The following SGMS1 variants were observed in gnomAD, a reference collection of about 807,000 sequenced individuals.
SGMS1 encodes the protein sphingomyelin synthase 1, also known as phosphatidylcholine:ceramide cholinephosphotransferase 1.
SGMS1 carries 13 observed loss-of-function variants against 46.2 expected under a neutral mutation model. The ratio of observed to expected loss-of-function variants is 0.28; its 90% CI spans 0.18 to 0.45. SGMS1 has a LOEUF of 0.45. Among genes scored for constraint, SGMS1 ranks in the 20% least tolerant of loss-of-function variants. The probability of loss-of-function intolerance (pLI) is 1.00; values close to 1 mark genes in which losing one functional copy is unlikely to be tolerated. For synonymous variants in SGMS1, 203 were observed against 187.8 expected (o/e 1.08, Z -0.66); for missense variants, 324 against 519.9 (o/e 0.62, Z 3.66).
intron 6 of SGMS1, among the ~76,000 whole-genome samples, chr10:50,386,131 G>A (rs1486067194): frequency 3.3e-5 from 5 of 152,126 alleles, no homozygotes; most frequent in Non-Finnish European, 7.4e-5. Flanking sequence ...TAACACTGAA[G>A]AAACTGGAAA....
chr10:50,403,036 GT>G (rs1290514355), intron 6 of SGMS1, among the ~76,000 whole-genome samples: 2 of 152,122 alleles, frequency 1.3e-5, no homozygotes, highest in African/African-American at 2.4e-5. Flanking sequence ...TTCCACCCAA[GT>G]TGCTGCCAAA....
chr10:50,354,778 G>C (rs185024830), intron 6 of SGMS1, among the ~76,000 whole-genome samples: 2 of 152,118 alleles, frequency 1.3e-5, no homozygotes, highest in Non-Finnish European at 2.9e-5. Flanking sequence ...AAAAGTGAGC[G>C]AAGGATATGA....
At chr10:50,386,848 A>G (rs565342913) in intron 6 of SGMS1, among the ~76,000 whole-genome samples, 6 of 152,198 alleles carry the variant, frequency 3.9e-5, no homozygotes, top group Admixed American at 1.3e-4. Context: ...AATAGCTAAC[A>G]CGTACTGAAA....
At chr10:50,509,497 T>C (rs1837735775) in intron 3 of SGMS1, among the ~76,000 whole-genome samples, 1 of 152,202 alleles carries the variant, frequency 6.6e-6, no homozygotes, top group African/African-American at 2.4e-5. Context: ...TGGCTGAGAT[T>C]AAAACGGATC....
At chr10:50,470,230 G>T (rs986550863) in intron 3 of SGMS1, among the ~76,000 whole-genome samples, 1 of 152,102 alleles carries the variant, frequency 6.6e-6, no homozygotes, top group Non-Finnish European at 1.5e-5. Context: ...CATTAAAACT[G>T]CATTTTATTA....
intron 7 of SGMS1, chr10:50,340,567 T>C (rs1847800925): frequency 6.6e-6 from 1 of 152,126 alleles, no homozygotes; most frequent in South Asian, 2.1e-4. Flanking sequence ...GGAAATCCCA[T>C]GTGGATTTAC....
At position 50,433,633 on chromosome 10, in the gene SGMS1, T is replaced by A. The variant is rs1231303098; in HGVS notation, c.-312-77A>T. On this transcript the variant is annotated intron_variant, in intron 5 of 10. Transcript: ENST00000361781. Reference sequence around the variant, plus strand: ...TCTTGATTTCCACTAGTTAGTCTCTTCTTCACACACAAGACATAGAAAAGT... The same window carrying A: ...TCTTGATTTCCACTAGTTAGTCTCTACTTCACACACAAGACATAGAAAAGT... The A allele has an allele frequency of 2.0e-5, 3 of 152,436 alleles. No individual in the cohort carries two copies. In the East Asian group the frequency reaches 5.6e-4, roughly 29 times the overall value. The allele number at this position is 152,436 out of a possible 1,614,324, so 9.4% of individuals were successfully genotyped here. A position where few individuals can be genotyped will look rare whatever the true frequency, so the allele number is the denominator to read the frequency against.
chr10:50,395,841 A>C (rs1207145295), intron 6 of SGMS1, among the ~76,000 whole-genome samples: 1 of 152,190 alleles, frequency 6.6e-6, no homozygotes, highest in Non-Finnish European at 1.5e-5. Context: ...GGGCTTGTGC[A>C]GGAAAGACAA....
chr10:50,624,834 G>C, upstream of SGMS1: 1 of 987,106 alleles, frequency 1.0e-6, no homozygotes, highest in Non-Finnish European at 1.2e-6. Context: ...CACCTCGGTG[G>C]CCTACAGGCA....
At chr10:50,567,029 C>G (rs1051523871) in intron 2 of SGMS1, among the ~76,000 whole-genome samples, 2 of 152,068 alleles carry the variant, frequency 1.3e-5, no homozygotes, top group Non-Finnish European at 2.9e-5. Context: ...TCACTGCAAT[C>G]TCCACCTCCA....
chr10:50,356,180 G>C (rs564131351), intron 6 of SGMS1, among the ~76,000 whole-genome samples: 10 of 152,350 alleles, frequency 6.6e-5, no homozygotes, highest in African/African-American at 2.2e-4. Context: ...GAAAGAAGTA[G>C]ACATAGGAGA....
intron 5 of SGMS1, among the ~76,000 whole-genome samples, chr10:50,456,913 G>A (rs926248589): frequency 2.0e-5 from 3 of 152,292 alleles, no homozygotes; most frequent in Middle Eastern, 3.4e-3. Context: ...CATGCACAGC[G>A]CTTGTACTGG....
intron 5 of SGMS1, among the ~76,000 whole-genome samples, chr10:50,443,669 C>A (rs1051288119): frequency 6.6e-6 from 1 of 151,908 alleles, no homozygotes; most frequent in Non-Finnish European, 1.5e-5. Flanking sequence ...CAAAATGATA[C>A]CAGATATAGA....
intron 2 of SGMS1, among the ~76,000 whole-genome samples, chr10:50,588,670 T>C (rs572677810): frequency 6.6e-6 from 1 of 151,258 alleles, no homozygotes; most frequent in South Asian, 2.1e-4. Flanking sequence ...AGTTTAGGTT[T>C]AAAAAATCAG....
At chr10:50,326,030 A>G (rs1847525641) in intron 8 of SGMS1, among the ~76,000 whole-genome samples, 1 of 152,162 alleles carries the variant, frequency 6.6e-6, no homozygotes, top group Non-Finnish European at 1.5e-5. Context: ...GGAAGGGCGA[A>G]AGAAACTGCA....
At chr10:50,370,090 C>T (rs182037395) in intron 6 of SGMS1, among the ~76,000 whole-genome samples, 28 of 152,222 alleles carry the variant, frequency 1.8e-4, no homozygotes, top group African/African-American at 5.5e-4. Context: ...GAATGGAGCT[C>T]GCAGGACTGG....
At position 50,306,373 on chromosome 10, in the gene SGMS1, CCATA is replaced by C. The variant is rs1249056851; in HGVS notation, c.*765_*768del. The stretch of plus-strand genomic sequence containing the variant: ...AAAAACATTTAAGATTGCCTACTGA[CCATA>C]CAATCAAGACAAGAAAGGCACTAGA... On this transcript the variant is annotated 3_prime_UTR_variant, in exon 11 of 11. Transcript: ENST00000361781. The C allele has an allele frequency of 6.6e-6, 1 of 152,552 alleles. No homozygotes were observed. Among genetic ancestry groups the C allele is most frequent in the Admixed American group, 6.6e-5 (1 of 15,262 alleles). 9.4% of individuals were successfully genotyped at this position (152,552 alleles called of 1,614,324 possible). A position where few individuals can be genotyped will look rare whatever the true frequency, so the allele number is the denominator to read the frequency against.
intron 8 of SGMS1, among the ~76,000 whole-genome samples, chr10:50,325,779 C>A (rs1002056699): frequency 1.3e-5 from 2 of 152,144 alleles, no homozygotes; most frequent in Admixed American, 1.3e-4. Context: ...ATCTACCTAC[C>A]CCTTGGTAGC....
chr10:50,386,192 TAA>T (rs1848679318), intron 6 of SGMS1, among the ~76,000 whole-genome samples: 1 of 152,196 alleles, frequency 6.6e-6, no homozygotes, highest in Admixed American at 6.5e-5. Context: ...GTCAAAATTG[TAA>T]AGACTTCTCC....
Sources: allele counts gnomAD v4.1 joint callset (sites outside exome capture counted in the v4.1 genomes callset), GRCh38; gene constraint gnomAD v4.1.1; transcripts MANE v1.5; gene names NCBI Gene and HGNC (gene_info 2026-07-23, HGNC 2026-07-21).